The following CCDC150 variants were observed in gnomAD, a reference collection of about 807,000 sequenced individuals.
The protein encoded by CCDC150 is coiled-coil domain-containing protein 150.
A neutral mutation model predicts 156.5 loss-of-function variants in CCDC150; 151 were observed. The observed-to-expected ratio is 0.97, with a 90% CI of 0.85 to 1.10. CCDC150 has a LOEUF of 1.10. Among genes scored for constraint, CCDC150 ranks in the 50% least tolerant of loss-of-function variants. The probability of loss-of-function intolerance (pLI) is 0.00; values close to 1 mark genes in which losing one functional copy is unlikely to be tolerated. For missense variants in CCDC150, 1,312 were observed against 1,268.1 expected (o/e 1.03, Z -0.53); for synonymous variants, 452 against 429.4 (o/e 1.05, Z -0.65).
chr2:196,699,456 G>A (rs778536224), intron 14 of CCDC150, among the ~76,000 whole-genome samples: 2 of 151,456 alleles, frequency 1.3e-5, no homozygotes, highest in East Asian at 1.9e-4. Flanking sequence ...AGTGTTGAAC[G>A]TCAAAAATGA....
rs1697178288 is a variant in CCDC150 at position 196,712,221 on chromosome 2, T to C, written c.1772T>C (p.Met591Thr). Residue 591 changes from methionine (M) to threonine (T), a missense_variant, in exon 16 of 28, where the codon ATG becomes ACG. Coordinates refer to ENST00000389175, the MANE Select transcript of CCDC150 (RefSeq NM_001080539.2). The part of the protein sequence containing the change: ...TSLQNDHLRK[M>T]NKYLQTKYAQ... ...TTACAGAATGATCATCTACGCAAGA[T>C]GAATAAGTATTTACAGACTAAATAT... is the stretch of plus-strand genomic sequence containing the variant. 1 of 1,568,860 alleles carries C rather than the reference T, an allele frequency of 6.4e-7. No individual in the cohort carries two copies. The highest frequency in any genetic ancestry group is 8.7e-7 in the Non-Finnish European group (1 of 1,151,696).
chr2:196,713,770 A>G lies in CCDC150; in HGVS notation c.1866+1031A>G, dbSNP rs902987947. The G allele has an allele frequency of 3.1e-6, 4 of 1,300,170 alleles. No homozygotes were observed. The African/African-American group carries it at 6.0e-5, about 20-fold the overall frequency. The allele number at this position is 1,300,170 out of a possible 1,614,324, so 80.5% of individuals were successfully genotyped here. On this transcript the variant is annotated intron_variant, in intron 17 of 27. Transcript: ENST00000389175. ...TAATCCAGAAATATAATGCTTGAAG[A>G]TATGACTAACAAGGAAATAAGGTTC...
chr2:196,701,155 T>C lies in CCDC150; in HGVS notation c.1670T>C (p.Leu557Pro). The C allele has an allele frequency of 6.2e-7, 1 of 1,608,424 alleles. No homozygotes were observed. The highest frequency in any genetic ancestry group is 8.5e-7 in the Non-Finnish European group (1 of 1,177,632). Residue 557 changes from leucine (L) to proline (P), a missense_variant, in exon 15 of 28, where the codon CTG (leucine) becomes CCG (proline). Physicochemically the swap from Leu to Pro is moderately conservative, Grantham distance 98 (BLOSUM62 -3). Transcript: ENST00000389175. ...VEKITESKNK[L>P]AYENGKLQIK... ...AAAATCACTGAAAGTAAAAATAAACTGGCCTATGAAAACGGAAAACTCCAG... is the reference window on the plus strand; with the variant it reads ...AAAATCACTGAAAGTAAAAATAAACCGGCCTATGAAAACGGAAAACTCCAG...
intron 1 of CCDC150, among the ~76,000 whole-genome samples, chr2:196,640,827 C>T (rs984392693): frequency 6.6e-6 from 1 of 152,208 alleles, no homozygotes; most frequent in Non-Finnish European, 1.5e-5. Flanking sequence ...GTTCTTCCAC[C>T]ATTTGGAGTG....
chr2:196,674,428 T>C (rs1319770543), intron 10 of CCDC150, 80 bp downstream of exon 10: 6 of 748,360 alleles, frequency 8.0e-6, no homozygotes, highest in Non-Finnish European at 1.3e-5. Flanking sequence ...ACTGGAGAAA[T>C]AAAATATTTT....
chr2:196,701,235 C>A, intron 15 of CCDC150, 55 bp downstream of exon 15: 2 of 1,146,428 alleles, frequency 1.7e-6, no homozygotes, highest in South Asian at 1.4e-5. Context: ...TACCAATTAT[C>A]AAATTAAATA....
chr2:196,648,847 C>G (rs1056379488), intron 2 of CCDC150, among the ~76,000 whole-genome samples: 3 of 152,090 alleles, frequency 2.0e-5, no homozygotes, highest in Non-Finnish European at 4.4e-5. Flanking sequence ...CAATTTCATT[C>G]TTCTGTATGT....
chr2:196,676,229 G>A lies in CCDC150; in HGVS notation c.1224G>A (p.Gln408=). 3 of 1,613,580 alleles carry A rather than the reference G, an allele frequency of 1.9e-6. No individual in the cohort carries two copies. Among genetic ancestry groups the A allele is most frequent in the Non-Finnish European group, 2.5e-6 (3 of 1,179,604 alleles). The change falls in exon 11 of 28, where the codon CAG becomes CAA. Residue 408 remains glutamine, a synonymous_variant. Transcript: ENST00000389175. ...ATGCCAGTATCACAAATGAACTACA[G>A]ACTGTTCAGAATGAGAAAACCCAAC... The part of the protein sequence containing the change: ...AAHASITNEL[Q]TVQNEKTQLQ...
chr2:196,725,004 A>G (rs1698130433), intron 21 of CCDC150, among the ~76,000 whole-genome samples: 1 of 152,206 alleles, frequency 6.6e-6, no homozygotes, highest in African/African-American at 2.4e-5. Flanking sequence ...GGACAGTTGC[A>G]GTTACCACCT....
chr2:196,643,946 T>A (rs539017516), intron 1 of CCDC150, among the ~76,000 whole-genome samples: 4 of 152,346 alleles, frequency 2.6e-5, no homozygotes, highest in African/African-American at 9.6e-5. Context: ...AGTGTCAACA[T>A]AGTCTGAGGT....
At chr2:196,660,565 AC>A (rs1693501964) in intron 5 of CCDC150, among the ~76,000 whole-genome samples, 1 of 152,222 alleles carries the variant, frequency 6.6e-6, no homozygotes. Flanking sequence ...ATATAATGAC[AC>A]TGAGAATCTT....
Position 196,719,543 on chromosome 2 carries a change from GCA to G in CCDC150, c.2043_2044del (p.Cys681Ter). ...TTGGCAGAAGCTAAAGAAGACAACTGCAAAGTCACAATCATGTTGGAGAATGT... is the reference window on the plus strand; with the variant it reads ...TTGGCAGAAGCTAAAGAAGACAACTGAAGTCACAATCATGTTGGAGAATGT... On this transcript the variant is annotated stop_gained and frameshift_variant, in exon 19 of 28. Transcript: ENST00000389175. LOFTEE classifies it high-confidence loss of function. 6.2e-7 allele frequency: 1 copy of G among 1,611,800 alleles called. No individual in the cohort carries two copies. Among genetic ancestry groups the G allele is most frequent in the Non-Finnish European group, 8.5e-7 (1 of 1,178,950 alleles).
At chr2:196,670,468 C>G (rs181550055) in intron 8 of CCDC150, among the ~76,000 whole-genome samples, 262 of 151,974 alleles carry the variant, frequency 1.7e-3, no homozygotes, top group South Asian at 4.4e-3. Flanking sequence ...TTGTCCTTCC[C>G]CATTCTGCTA....
intron 13 of CCDC150, among the ~76,000 whole-genome samples, chr2:196,680,469 T>A (rs1694750428): frequency 6.6e-6 from 1 of 152,056 alleles, no homozygotes; most frequent in Non-Finnish European, 1.5e-5. Context: ...ACTCAGCTAA[T>A]TTTTTTATTT....
intron 15 of CCDC150, among the ~76,000 whole-genome samples, chr2:196,705,201 C>G (rs950759326): frequency 6.6e-6 from 1 of 152,218 alleles, no homozygotes; most frequent in African/African-American, 2.4e-5. Flanking sequence ...TTCTCCACAT[C>G]CTCTCCAGCA....
chr2:196,712,765 G>C (rs1481676916), intron 17 of CCDC150, 26 bp downstream of exon 17: 2 of 1,559,672 alleles, frequency 1.3e-6, no homozygotes, highest in Admixed American at 3.5e-5. Context: ...GTGCTTACTT[G>C]TCAGCATGGT....
At chr2:196,721,765 C>T in intron 21 of CCDC150, 74 bp downstream of exon 21, 1 of 1,215,224 alleles carries the variant, frequency 8.2e-7, no homozygotes, top group Non-Finnish European at 1.1e-6. Context: ...ATAAATGGCT[C>T]ATTCGCATAA....
intron 7 of CCDC150, among the ~76,000 whole-genome samples, chr2:196,668,468 G>T (rs936163582): frequency 6.6e-6 from 1 of 151,950 alleles, no homozygotes; most frequent in Non-Finnish European, 1.5e-5. Flanking sequence ...TTTGAATTTT[G>T]TAAAGAGTTT....
At chr2:196,690,142 G>A (rs553117959) in intron 13 of CCDC150, among the ~76,000 whole-genome samples, 4 of 151,126 alleles carry the variant, frequency 2.6e-5, no homozygotes, top group African/African-American at 2.4e-5. Flanking sequence ...ACCAAACACC[G>A]CATATTCTCA....
Sources: allele counts gnomAD v4.1 joint callset (sites outside exome capture counted in the v4.1 genomes callset), GRCh38; gene constraint gnomAD v4.1.1; transcripts MANE v1.5; gene names NCBI Gene and HGNC (gene_info 2026-07-23, HGNC 2026-07-21).